EYS: variants seen among roughly 807,000 people sequenced by gnomAD.
The protein encoded by EYS is EGF-like photoreceptor maintenance factor.
EYS carries 250 observed loss-of-function variants against 282.1 expected under a neutral mutation model. The ratio of observed to expected loss-of-function variants is 0.89; its 90% CI spans 0.80 to 0.98. The LOEUF is 0.98. Ranked by LOEUF, EYS falls within the 50% of genes least tolerant of loss-of-function variation. The pLI, the probability that EYS is intolerant of heterozygous loss-of-function variation, is 0.00. For synonymous variants in EYS, 1,355 were observed against 1,282.9 expected, an observed-to-expected ratio of 1.06 and a Z score of -1.20; for missense variants, 4,016 against 3,709.0, an observed-to-expected ratio of 1.08 and a Z score of -2.15.
intron 22 of EYS, among the ~76,000 whole-genome samples, chr6:64,734,060 C>A (rs1772077284): frequency 6.6e-6 from 1 of 151,294 alleles, no homozygotes; most frequent in Admixed American, 6.6e-5. Flanking sequence ...ATCCTAGTAA[C>A]AATATTATAT....
intron 8 of EYS, among the ~76,000 whole-genome samples, chr6:65,358,473 T>G (rs990788383): frequency 6.6e-6 from 1 of 151,982 alleles, no homozygotes; most frequent in Non-Finnish European, 1.5e-5. Context: ...CTGGGATGGT[T>G]TCTTTTCCTA....
Position 65,170,228 on chromosome 6 carries a change from G to GCACACA in EYS, c.2024-112507_2024-112502dup, listed in dbSNP as rs148028482. 3.5e-4 allele frequency among the ~76,000 whole-genome samples: 52 copies of GCACACA among 148,666 alleles called. 2 individuals carry two copies. The East Asian group carries it at 5.8e-3, about 17-fold the overall frequency. ...CAGATGCACACACGCGCGCGTGCAC[G>GCACACA]CACACACACACACACACAGAGAGAG... On this transcript the variant is annotated intron_variant, in intron 12 of 42. Coordinates refer to ENST00000503581, the MANE Select transcript of EYS (RefSeq NM_001142800.2).
intron 12 of EYS, among the ~76,000 whole-genome samples, chr6:65,229,267 T>C (rs1417867908): frequency 3.7e-5 from 3 of 80,046 alleles, no homozygotes; most frequent in African/African-American, 9.6e-5. Context: ...TGCGGCTAGA[T>C]AAACAAAAAA....
chr6:64,828,709 T>C (rs11759223), intron 19 of EYS, among the ~76,000 whole-genome samples: 23,179 of 151,854 alleles, frequency 0.15, 2,019 homozygotes, highest in East Asian at 0.44. Context: ...GGTAGTATAT[T>C]GGGAATTGTG....
intron 13 of EYS, among the ~76,000 whole-genome samples, chr6:65,048,793 T>C (rs1773181175): frequency 6.6e-6 from 1 of 151,844 alleles, no homozygotes; most frequent in Non-Finnish European, 1.5e-5. Context: ...AACATCATTT[T>C]CTTTTTTTCT....
chr6:65,474,155 A>G (rs1765315883), intron 5 of EYS, among the ~76,000 whole-genome samples: 2 of 152,126 alleles, frequency 1.3e-5, no homozygotes, highest in Non-Finnish European at 2.9e-5. Flanking sequence ...AGCTGATATA[A>G]GGTGACATGG....
intron 26 of EYS, among the ~76,000 whole-genome samples, chr6:64,462,889 C>A (rs542791484): frequency 2.7e-5 from 4 of 148,988 alleles, no homozygotes; most frequent in African/African-American, 9.9e-5. Context: ...TATCAAAATT[C>A]TTTTCTACTT....
intron 28 of EYS, among the ~76,000 whole-genome samples, chr6:64,403,695 C>A (rs1444033963): frequency 6.6e-6 from 1 of 152,114 alleles, no homozygotes. Flanking sequence ...AGATACTTTT[C>A]TTCCTATCAT....
chr6:65,451,372 G>T (rs1764391401), intron 5 of EYS, among the ~76,000 whole-genome samples: 2 of 151,960 alleles, frequency 1.3e-5, no homozygotes, highest in South Asian at 2.1e-4. Context: ...TTAATTCAAA[G>T]AATTTATGTA....
At chr6:64,242,295 A>G (rs1324325404) in intron 30 of EYS, among the ~76,000 whole-genome samples, 1 of 151,970 alleles carries the variant, frequency 6.6e-6, no homozygotes, top group Non-Finnish European at 1.5e-5. Context: ...TTGTGATCAT[A>G]GAGAAGAGGC....
chr6:65,201,706 T>G (rs1214813081), intron 12 of EYS, among the ~76,000 whole-genome samples: 1 of 152,200 alleles, frequency 6.6e-6, no homozygotes, highest in Non-Finnish European at 1.5e-5. Context: ...TATTCTGTTT[T>G]GTCCTATAAC....
At chr6:65,341,426 C>T (rs994281676) in intron 10 of EYS, among the ~76,000 whole-genome samples, 29 of 151,166 alleles carry the variant, frequency 1.9e-4, no homozygotes, top group Admixed American at 1.8e-3. Context: ...TCTCAAAGGA[C>T]AATGTGAAAT....
chr6:65,162,622 T>C (rs1223353939), intron 12 of EYS, among the ~76,000 whole-genome samples: 2 of 150,668 alleles, frequency 1.3e-5, no homozygotes, highest in African/African-American at 2.4e-5. Context: ...TTTTATTTTT[T>C]TGGCTACTTT....
intron 14 of EYS, among the ~76,000 whole-genome samples, chr6:64,990,145 G>T (rs1201405101): frequency 6.6e-6 from 1 of 151,466 alleles, no homozygotes; most frequent in Non-Finnish European, 1.5e-5. Flanking sequence ...ACACAATGGA[G>T]TTATTTACTG....
At chr6:64,745,906 C>T (rs891559085) in intron 22 of EYS, among the ~76,000 whole-genome samples, 7 of 152,124 alleles carry the variant, frequency 4.6e-5, no homozygotes, top group Non-Finnish European at 8.8e-5. Context: ...CATTCCATTT[C>T]ATTGCAAGCA....
intron 31 of EYS, among the ~76,000 whole-genome samples, chr6:64,090,229 T>C (rs564515084): frequency 3.9e-5 from 6 of 152,296 alleles, no homozygotes; most frequent in African/African-American, 1.4e-4. Flanking sequence ...TTTTCTACTT[T>C]AGAAATTCTC....
intron 5 of EYS, among the ~76,000 whole-genome samples, chr6:65,476,245 G>A (rs1026976272): frequency 8.6e-5 from 13 of 151,988 alleles, no homozygotes; most frequent in African/African-American, 3.1e-4. Flanking sequence ...TATTAAAGAT[G>A]CTCCTTAAAA....
chr6:64,911,254 G>A (rs187642810), intron 16 of EYS, among the ~76,000 whole-genome samples: 12 of 151,728 alleles, frequency 7.9e-5, no homozygotes, highest in East Asian at 3.9e-4. Flanking sequence ...GTATTTTTTC[G>A]TTTTTTTCTT....
intron 22 of EYS, among the ~76,000 whole-genome samples, chr6:64,808,052 C>T (rs1001751622): frequency 1.0e-5 from 1 of 99,138 alleles, no homozygotes; most frequent in East Asian, 3.0e-4. Context: ...CCTTTCCCTT[C>T]TTCCCTTCTT....
Sources: allele counts gnomAD v4.1 joint callset (sites outside exome capture counted in the v4.1 genomes callset), GRCh38; gene constraint gnomAD v4.1.1; transcripts MANE v1.5; gene names NCBI Gene and HGNC (gene_info 2026-07-23, HGNC 2026-07-21).